The following NUCKS1 variants were observed in gnomAD, a reference collection of about 807,000 sequenced individuals.
NUCKS1 encodes nuclear ubiquitous casein and cyclin-dependent kinase substrate 1.
In NUCKS1, 2 loss-of-function variants were observed where a neutral mutation model predicts 33.0. That is an observed-to-expected ratio of 0.06 (90% CI 0.02 to 0.19). The LOEUF (loss-of-function observed/expected upper bound fraction) is 0.19. Ranked by LOEUF, NUCKS1 falls within the 10% of genes least tolerant of loss-of-function variation. The pLI, the probability that NUCKS1 is intolerant of heterozygous loss-of-function variation, is 1.00. For missense variants in NUCKS1, 201 were observed against 293.6 expected (o/e 0.68, Z 2.31); for synonymous variants, 106 against 102.8 (o/e 1.03, Z -0.19).
Position 205,716,386 on chromosome 1 carries a change from T to G in NUCKS1, c.*1894A>C, listed in dbSNP as rs1031176102. On this transcript the variant is annotated 3_prime_UTR_variant, in exon 7 of 7. Coordinates refer to ENST00000367142, the MANE Select transcript of NUCKS1 (RefSeq NM_022731.5). ...TTTTACTATATGAACACAAACTTCTTTGTTAAAAATGGATACCTGAACAAA... is the reference window on the plus strand; with the variant it reads ...TTTTACTATATGAACACAAACTTCTGTGTTAAAAATGGATACCTGAACAAA... The G allele has an allele frequency of 6.6e-6, 1 of 152,202 alleles. No homozygotes were observed. The highest frequency in any genetic ancestry group is 1.5e-5 in the Non-Finnish European group (1 of 68,034). 9.4% of individuals were successfully genotyped at this position (152,202 alleles called of 1,614,324 possible).
intron 3 of NUCKS1, among the ~76,000 whole-genome samples, chr1:205,727,124 C>T (rs1236084689): frequency 2.0e-5 from 3 of 151,980 alleles, no homozygotes; most frequent in Admixed American, 6.6e-5. Flanking sequence ...CCACCATTCC[C>T]GGCCAATTTT....
At chr1:205,720,829 A>G (rs183466163) in intron 4 of NUCKS1, among the ~76,000 whole-genome samples, 176 bp from the exon 5 acceptor site, 4 of 152,322 alleles carry the variant, frequency 2.6e-5, no homozygotes, top group African/African-American at 9.6e-5. Context: ...TCTATCCTTC[A>G]ACATTTCTGC....
chr1:205,734,042 A>G (rs995475808), intron 1 of NUCKS1, among the ~76,000 whole-genome samples: 1 of 152,022 alleles, frequency 6.6e-6, no homozygotes, highest in African/African-American at 2.4e-5. Flanking sequence ...GGCTAATTAA[A>G]AACAATTTTT....
chr1:205,744,587 A>T (rs1654264379), intron 1 of NUCKS1, among the ~76,000 whole-genome samples: 1 of 145,082 alleles, frequency 6.9e-6, no homozygotes, highest in Non-Finnish European at 1.5e-5. Context: ...CCTAAATGTG[A>T]GGCCTTTCAT....
intron 1 of NUCKS1, among the ~76,000 whole-genome samples, chr1:205,732,596 C>A (rs1427883971): frequency 2.0e-5 from 3 of 152,108 alleles, no homozygotes; most frequent in African/African-American, 7.2e-5. Context: ...TCCTGGCCAA[C>A]ATGGTGAAAA....
chr1:205,737,595 G>A (rs1182790843), intron 1 of NUCKS1, among the ~76,000 whole-genome samples: 1 of 152,192 alleles, frequency 6.6e-6, no homozygotes, highest in Non-Finnish European at 1.5e-5. Context: ...GGACCTATGT[G>A]AAGCTGTCAA....
Position 205,718,227 on chromosome 1 carries a change from C to CTT in NUCKS1, c.*51_*52dup. Reference sequence around the variant, plus strand: ...TTCTTTTTTTTCCTCCCTCTTTTTTCTTTTTTTTTCTTTTTTTTTTTAATA... The same window carrying CTT: ...TTCTTTTTTTTCCTCCCTCTTTTTTCTTTTTTTTTTTCTTTTTTTTTTTAATA... On this transcript the variant is annotated 3_prime_UTR_variant, in exon 7 of 7. Transcript: ENST00000367142. 3.5e-6 allele frequency: 3 copies of CTT among 861,740 alleles called. No homozygotes were observed. Among genetic ancestry groups the CTT allele is most frequent in the South Asian group, 3.7e-5 (2 of 53,450 alleles). 53.4% of individuals were successfully genotyped at this position (861,740 alleles called of 1,614,324 possible). A position where few individuals can be genotyped will look rare whatever the true frequency, so the allele number is the denominator to read the frequency against.
In NUCKS1 at chr1:205,740,357, G is replaced by A. The variant is rs141049116; in HGVS notation, c.17+9600C>T. On this transcript the variant is annotated intron_variant, in intron 1 of 6. Coordinates refer to ENST00000367142, the MANE Select transcript of NUCKS1 (RefSeq NM_022731.5). ...ATTCCCTCTGGTTGTGGTAGCTCAC[G>A]CCTGTAATCCCAGCACTCTGGGAGG... 3.9e-4 allele frequency among the ~76,000 whole-genome samples: 60 copies of A among 152,002 alleles called. No homozygotes were observed. The East Asian group carries it at 0.011, about 27-fold the overall frequency.
rs1671858535 is a variant in NUCKS1 at position 205,718,127 on chromosome 1, T to G, written c.*153A>C. The G allele has an allele frequency of 7.8e-7, 1 of 1,288,450 alleles. No individual in the cohort carries two copies. The highest frequency in any genetic ancestry group is 2.8e-5 in the South Asian group (1 of 35,354). The allele number at this position is 1,288,450 out of a possible 1,614,324, so 79.8% of individuals were successfully genotyped here. Reference sequence around the variant, plus strand: ...AAAGAGAGAGAGAGAGAAATGTTACTTTCAACAAATGGAAAAAAGCACTGA... The same window carrying G: ...AAAGAGAGAGAGAGAGAAATGTTACGTTCAACAAATGGAAAAAAGCACTGA... On this transcript the variant is annotated 3_prime_UTR_variant, in exon 7 of 7. Coordinates refer to ENST00000367142, the MANE Select transcript of NUCKS1 (RefSeq NM_022731.5).
At chr1:205,747,174 CAGAATTG>C (rs1053359121) in intron 1 of NUCKS1, among the ~76,000 whole-genome samples, 2 of 151,886 alleles carry the variant, frequency 1.3e-5, no homozygotes, top group African/African-American at 2.4e-5. Flanking sequence ...GGGTGGGGAC[CAGAATTG>C]GGAATTGGGA....
At chr1:205,729,747 C>T (rs532573546) in intron 1 of NUCKS1, 126 bp from the exon 2 acceptor site, 14 of 766,662 alleles carry the variant, frequency 1.8e-5, no homozygotes, top group East Asian at 1.0e-4. Flanking sequence ...AATTGCTGGA[C>T]GTGGTGGCTC....
At chr1:205,742,604 C>G (rs1196108411) in intron 1 of NUCKS1, among the ~76,000 whole-genome samples, 1 of 152,136 alleles carries the variant, frequency 6.6e-6, no homozygotes, top group East Asian at 1.9e-4. Context: ...GTGGGCGGAT[C>G]ACAAGGTCAG....
intron 1 of NUCKS1, among the ~76,000 whole-genome samples, chr1:205,744,181 G>A (rs762533470): frequency 1.7e-4 from 26 of 152,138 alleles, no homozygotes; most frequent in African/African-American, 4.1e-4. Context: ...TGCTAACACC[G>A]TGACAAAGTG....
At position 205,718,189 on chromosome 1, in the gene NUCKS1, T is replaced by C; in HGVS notation, c.*91A>G. 6.9e-7 allele frequency: 1 copy of C among 1,455,446 alleles called. No individual in the cohort carries two copies. The highest frequency in any genetic ancestry group is 2.6e-5 in the Admixed American group (1 of 38,468). 90.2% of individuals were successfully genotyped at this position (1,455,446 alleles called of 1,614,324 possible). A position where few individuals can be genotyped will look rare whatever the true frequency, so the allele number is the denominator to read the frequency against. ...TCAAGCCATAGCCAAAACCATGTTC[T>C]ATCTTAAGTAGGTTCTTTTTTTTCC... On this transcript the variant is annotated 3_prime_UTR_variant, in exon 7 of 7. Transcript: ENST00000367142.
At chr1:205,735,112 T>C (rs535985135) in intron 1 of NUCKS1, among the ~76,000 whole-genome samples, 1 of 152,188 alleles carries the variant, frequency 6.6e-6, no homozygotes, top group Non-Finnish European at 1.5e-5. Context: ...GAGGTTCTAT[T>C]TCTAGGTGAA....
intron 6 of NUCKS1, among the ~76,000 whole-genome samples, chr1:205,718,952 G>C (rs1175867353): frequency 6.6e-6 from 1 of 152,160 alleles, no homozygotes; most frequent in Non-Finnish European, 1.5e-5. Context: ...GTTTAACAAT[G>C]ACTAGTTCTA....
In NUCKS1 at chr1:205,717,302, A is replaced by G. The variant is rs567110058; in HGVS notation, c.*978T>C. On this transcript the variant is annotated 3_prime_UTR_variant, in exon 7 of 7. Transcript: ENST00000367142. ...CTCTTTGTGACTGAGTTTCACATTAACTGGAACTTTATTTGCTTAAAACCT... is the reference window on the plus strand; with the variant it reads ...CTCTTTGTGACTGAGTTTCACATTAGCTGGAACTTTATTTGCTTAAAACCT... 4.2e-5 allele frequency: 41 copies of G among 987,158 alleles called. No individual in the cohort carries two copies. The African/African-American group carries it at 7.0e-4, about 17-fold the overall frequency. The allele number at this position is 987,158 out of a possible 1,614,324, so 61.1% of individuals were successfully genotyped here.
chr1:205,726,313 T>C (rs367973768), intron 3 of NUCKS1, among the ~76,000 whole-genome samples: 20 of 152,306 alleles, frequency 1.3e-4, no homozygotes, highest in African/African-American at 4.8e-4. Context: ...CCCAGGAGTT[T>C]GAAACTAGCC....
At chr1:205,724,783 A>T (rs1407255458) in intron 3 of NUCKS1, among the ~76,000 whole-genome samples, 1 of 152,204 alleles carries the variant, frequency 6.6e-6, no homozygotes, top group Non-Finnish European at 1.5e-5. Flanking sequence ...ATGGAAAATA[A>T]ATTGATTGAA....
Sources: allele counts gnomAD v4.1 joint callset (sites outside exome capture counted in the v4.1 genomes callset), GRCh38; gene constraint gnomAD v4.1.1; transcripts MANE v1.5; gene names NCBI Gene and HGNC (gene_info 2026-07-23, HGNC 2026-07-21).